The following CNTN5 variants were observed in gnomAD, a reference collection of about 807,000 sequenced individuals.
CNTN5 encodes contactin 5.
A neutral mutation model predicts 129.1 loss-of-function variants in CNTN5; 77 were observed. The observed-to-expected ratio is 0.60, with a 90% confidence interval of 0.50 to 0.72. The LOEUF (loss-of-function observed/expected upper bound fraction) is 0.72, where lower values mean the gene tolerates loss of function less well. CNTN5 is among the 30% of genes least tolerant of loss of function. The pLI is 0.00. For synonymous variants in CNTN5, 509 were observed against 465.6 expected (o/e 1.09, Z -1.20); for missense variants, 1,478 against 1,328.8 (o/e 1.11, Z -1.75).
At chr11:99,223,503 C>T (rs192524429) in intron 1 of CNTN5, among the ~76,000 whole-genome samples, 12 of 152,154 alleles carry the variant, frequency 7.9e-5, no homozygotes, top group East Asian at 3.9e-4. Context: ...TAATAAACTG[C>T]GCTTCAAATT....
rs1325854497 is a variant in CNTN5 at position 99,147,277 on chromosome 11, A to C, written c.-210+126007A>C. Among the ~76,000 whole-genome samples, 4 of 152,216 alleles carry C rather than the reference A, an allele frequency of 2.6e-5. No individual in the cohort carries two copies. The East Asian group carries it at 7.7e-4, about 29-fold the overall frequency. On this transcript the variant is annotated intron_variant, in intron 1 of 24. Coordinates refer to ENST00000524871, the MANE Select transcript of CNTN5 (RefSeq NM_014361.4). ...TATAATTAGTGGGCTCTTTACTGAA[A>C]GAGAGATTGTTTATAAAAGCAAAGA...
chr11:99,948,863 G>C (rs1198602248), intron 7 of CNTN5, among the ~76,000 whole-genome samples: 1 of 152,192 alleles, frequency 6.6e-6, no homozygotes, highest in Non-Finnish European at 1.5e-5. Context: ...CTCTTCTCCA[G>C]AAAATTTGCC....
chr11:99,546,956 A>C (rs547608340), intron 2 of CNTN5, among the ~76,000 whole-genome samples: 1 of 151,936 alleles, frequency 6.6e-6, no homozygotes, highest in Admixed American at 6.5e-5. Context: ...TGAGTCTTTC[A>C]TGAAAGATAC....
At chr11:99,300,834 A>G (rs529346402) in intron 1 of CNTN5, among the ~76,000 whole-genome samples, 1 of 152,126 alleles carries the variant, frequency 6.6e-6, no homozygotes, top group Non-Finnish European at 1.5e-5. Context: ...ATCATAAAAG[A>G]CAGTGTAAAC....
At chr11:100,266,756 G>A (rs1950311336) in intron 17 of CNTN5, among the ~76,000 whole-genome samples, 1 of 151,246 alleles carries the variant, frequency 6.6e-6, no homozygotes. Context: ...ACTTTGGAAG[G>A]AAGATTATTT....
At chr11:99,419,685 T>C (rs905834146) in intron 2 of CNTN5, among the ~76,000 whole-genome samples, 12 of 152,106 alleles carry the variant, frequency 7.9e-5, no homozygotes, top group Non-Finnish European at 1.8e-4. Context: ...AGTTGTTCAG[T>C]AGGGCTGGAG....
At chr11:99,760,991 A>G (rs919749893) in intron 3 of CNTN5, among the ~76,000 whole-genome samples, 3 of 152,138 alleles carry the variant, frequency 2.0e-5, no homozygotes, top group Admixed American at 1.3e-4. Context: ...AAATTGTTTA[A>G]TCATTGTCTC....
intron 2 of CNTN5, among the ~76,000 whole-genome samples, chr11:99,387,397 C>G (rs1300086546): frequency 1.3e-5 from 2 of 152,138 alleles, no homozygotes; most frequent in African/African-American, 4.8e-5. Flanking sequence ...AAATTTAGTT[C>G]CAAATCACTG....
chr11:99,256,727 A>C (rs1184332593), intron 1 of CNTN5, among the ~76,000 whole-genome samples: 1 of 152,076 alleles, frequency 6.6e-6, no homozygotes, highest in Non-Finnish European at 1.5e-5. Flanking sequence ...ATAAAATAAA[A>C]TTACAAGAAC....
intron 2 of CNTN5, among the ~76,000 whole-genome samples, chr11:99,466,844 G>A (rs768452414): frequency 1.2e-4 from 18 of 152,058 alleles, no homozygotes; most frequent in Non-Finnish European, 2.2e-4. Context: ...TTTAAATACG[G>A]ATTTCATATT....
chr11:99,091,673 A>G (rs1866260389), intron 1 of CNTN5, among the ~76,000 whole-genome samples: 1 of 152,154 alleles, frequency 6.6e-6, no homozygotes, highest in Non-Finnish European at 1.5e-5. Flanking sequence ...CTTAGAGCAG[A>G]GGAAGGGAAC....
intron 23 of CNTN5, among the ~76,000 whole-genome samples, chr11:100,343,030 G>A (rs1489698630): frequency 6.6e-6 from 1 of 152,114 alleles, no homozygotes; most frequent in East Asian, 1.9e-4. Flanking sequence ...CATATAAAAT[G>A]TTCTCATTAA....
chr11:99,918,860 C>A (rs1235042632), intron 7 of CNTN5, among the ~76,000 whole-genome samples: 1 of 152,128 alleles, frequency 6.6e-6, no homozygotes, highest in Non-Finnish European at 1.5e-5. Context: ...TCCTTATTTA[C>A]AGAGCCCACA....
intron 1 of CNTN5, among the ~76,000 whole-genome samples, chr11:99,218,005 G>T (rs1860214012): frequency 6.6e-6 from 1 of 151,982 alleles, no homozygotes; most frequent in Non-Finnish European, 1.5e-5. Flanking sequence ...CTTCCTTTTA[G>T]TGTAAAACTT....
At chr11:99,457,170 A>G (rs1312631680) in intron 2 of CNTN5, among the ~76,000 whole-genome samples, 1 of 151,984 alleles carries the variant, frequency 6.6e-6, no homozygotes. Context: ...TATTCCACCA[A>G]TTTGAAAATA....
chr11:99,232,682 T>A (rs1378175366), intron 1 of CNTN5, among the ~76,000 whole-genome samples: 1 of 152,064 alleles, frequency 6.6e-6, no homozygotes, highest in East Asian at 1.9e-4. Context: ...CTTAAACTAT[T>A]TTAAGTTAAT....
At chr11:99,845,534 G>A (rs539254629) in intron 6 of CNTN5, among the ~76,000 whole-genome samples, 258 of 151,654 alleles carry the variant, frequency 1.7e-3, no homozygotes, top group African/African-American at 5.4e-3. Flanking sequence ...CACTACGCCC[G>A]GCTAATTTTT....
At chr11:99,080,632 C>G (rs1865753180) in intron 1 of CNTN5, among the ~76,000 whole-genome samples, 1 of 152,148 alleles carries the variant, frequency 6.6e-6, no homozygotes, top group Non-Finnish European at 1.5e-5. Context: ...AACAAAGTCA[C>G]AACCATTTTT....
At chr11:99,803,184 C>A (rs758218599) in intron 3 of CNTN5, among the ~76,000 whole-genome samples, 1 of 152,198 alleles carries the variant, frequency 6.6e-6, no homozygotes, top group Non-Finnish European at 1.5e-5. Flanking sequence ...GCATGGAGAT[C>A]TTCCTGAGCA....
Sources: gnomAD v4.1 joint callset for allele counts (sites outside exome capture counted in the v4.1 genomes callset) on GRCh38, gnomAD v4.1.1 for gene constraint, MANE v1.5 for transcripts, NCBI Gene and HGNC (gene_info 2026-07-23, HGNC 2026-07-21) for gene names.